The following LATS2 variants were observed in gnomAD, a reference collection of about 807,000 sequenced individuals.
LATS2 encodes the protein large tumor suppressor kinase 2.
In LATS2, 24 loss-of-function variants were observed where a neutral mutation model predicts 76.0. That is an observed-to-expected ratio of 0.32 (90% CI 0.23 to 0.44). LATS2 has a LOEUF of 0.44. LATS2 is among the 20% of genes least tolerant of loss of function. The pLI, the probability that LATS2 is intolerant of heterozygous loss-of-function variation, is 1.00. For missense variants in LATS2, 1,286 were observed against 1,481.2 expected (o/e 0.87, Z 2.16); for synonymous variants, 692 against 635.4 (o/e 1.09, Z -1.34).
chr13:21,036,602 G>A (rs1010906293), intron 2 of LATS2, among the ~76,000 whole-genome samples: 5 of 151,662 alleles, frequency 3.3e-5, no homozygotes, highest in African/African-American at 9.7e-5. Flanking sequence ...GTGAAACCCC[G>A]TCTCTACTAA....
chr13:20,992,497 T>C, intron 2 of LATS2, among the ~76,000 whole-genome samples: 1 of 151,996 alleles, frequency 6.6e-6, no homozygotes, highest in East Asian at 1.9e-4. Flanking sequence ...CCCCTTCACC[T>C]TTCAGGACAG....
chr13:21,034,145 T>G (rs1326209307), intron 2 of LATS2, among the ~76,000 whole-genome samples: 2 of 152,188 alleles, frequency 1.3e-5, no homozygotes, highest in East Asian at 3.8e-4. Flanking sequence ...TTACTTTACA[T>G]TCTTTCTGGT....
chr13:20,983,415 G>A lies in LATS2; in HGVS notation c.2291C>T (p.Pro764Leu). ...GATGTAGAACCGGGCCAGGTGCTCAGGGAAGACCTCCATCCGGATCAGCAG... is the reference window on the plus strand; with the variant it reads ...GATGTAGAACCGGGCCAGGTGCTCAAGGAAGACCTCCATCCGGATCAGCAG... The part of the protein sequence containing the change: ...MSLLIRMEVF[P>L]EHLARFYIAE... Residue 764 changes from proline to leucine, a missense_variant, in exon 5 of 8, where the codon CCT (proline) becomes CTT (leucine). Physicochemically the swap from Pro to Leu is moderately conservative, Grantham distance 98 (BLOSUM62 -3). Transcript: ENST00000382592. 1 of 1,614,090 alleles carries A rather than the reference G, an allele frequency of 6.2e-7. No individual in the cohort carries two copies. The highest frequency in any genetic ancestry group is 8.5e-7 in the Non-Finnish European group (1 of 1,180,020).
Position 20,988,361 on chromosome 13 carries a change from G to GGGGGCC in LATS2, c.1413_1418dup (p.Pro479_Ala480dup), listed in dbSNP as rs1870285481. The GGGGGCC allele has an allele frequency of 1.5e-6, 2 of 1,368,842 alleles. No homozygotes were observed. Among genetic ancestry groups the GGGGGCC allele is most frequent in the Admixed American group, 3.8e-5 (1 of 26,304 alleles). 84.8% of individuals were successfully genotyped at this position (1,368,842 alleles called of 1,614,324 possible). A position where few individuals can be genotyped will look rare whatever the true frequency, so the allele number is the denominator to read the frequency against. ...CCGCAGCCGGGGCGGGGGCGGGGGC[G>GGGGGCC]GGGGCCGGGGCAGGCGCGGGCACCC... On this transcript the variant is annotated inframe_insertion, in exon 4 of 8. Coordinates refer to ENST00000382592, the MANE Select transcript of LATS2 (RefSeq NM_014572.3).
rs544217694 is a variant in LATS2 at position 20,999,894 on chromosome 13, G to A, written c.343-8490C>T. Among the ~76,000 whole-genome samples the A allele has an allele frequency of 7.9e-5, 12 of 151,188 alleles. No individual in the cohort carries two copies. In the East Asian group the frequency reaches 1.4e-3, roughly 17 times the overall value. On this transcript the variant is annotated intron_variant, in intron 2 of 7. Coordinates refer to ENST00000382592, the MANE Select transcript of LATS2 (RefSeq NM_014572.3). The stretch of plus-strand genomic sequence containing the variant: ...AAAAAAAAAAATAGCCAGGCGTGGT[G>A]GCACACACCTATATAGTCCCAGCTA...
chr13:21,048,989 AAG>A (rs1176907584), intron 1 of LATS2, among the ~76,000 whole-genome samples: 1 of 152,196 alleles, frequency 6.6e-6, no homozygotes, highest in Non-Finnish European at 1.5e-5. Flanking sequence ...ACTTCAAAAA[AAG>A]AGAGATGCCT....
intron 2 of LATS2, among the ~76,000 whole-genome samples, chr13:21,001,112 A>C (rs543111711): frequency 6.6e-6 from 1 of 152,260 alleles, no homozygotes; most frequent in Non-Finnish European, 1.5e-5. Flanking sequence ...AAATGGCAAG[A>C]TAAGAATATA....
At chr13:21,028,117 C>G (rs1872384152) in intron 2 of LATS2, among the ~76,000 whole-genome samples, 1 of 152,012 alleles carries the variant, frequency 6.6e-6, no homozygotes, top group Non-Finnish European at 1.5e-5. Flanking sequence ...GTGTGATGTT[C>G]TCCTTCCTGT....
At chr13:20,983,878 G>T in intron 4 of LATS2, 72 bp from the exon 5 acceptor site, 1 of 1,232,650 alleles carries the variant, frequency 8.1e-7, no homozygotes, top group African/African-American at 1.5e-5. Context: ...ACTGGGATGG[G>T]GATGCCCTGG....
At chr13:21,037,311 G>A (rs1264072156) in intron 2 of LATS2, among the ~76,000 whole-genome samples, 2 of 152,140 alleles carry the variant, frequency 1.3e-5, no homozygotes, top group African/African-American at 2.4e-5. Context: ...GGCTGACGGG[G>A]GAGAATCGCT....
At chr13:21,038,587 G>A (rs970988681) in intron 2 of LATS2, 1 of 152,062 alleles carries the variant, frequency 6.6e-6, no homozygotes, top group African/African-American at 2.4e-5. Flanking sequence ...TGTTATGGTG[G>A]GGTATTGGAA....
rs201681793 is a variant in LATS2 at position 21,021,900 on chromosome 13, C to CA, written c.342+23784dup. Among the ~76,000 whole-genome samples the CA allele has an allele frequency of 1.2e-4, 19 of 152,312 alleles. No homozygotes were observed. The East Asian group carries it at 3.7e-3, about 29-fold the overall frequency. The stretch of plus-strand genomic sequence containing the variant: ...CAAGCAGCACAGGGTGAAAGCTCCT[C>CA]AGACTTCTCAAGCTGTTCTGACAGA... On this transcript the variant is annotated intron_variant, in intron 2 of 7. Transcript: ENST00000382592.
At chr13:21,009,237 C>T (rs1256739588) in intron 2 of LATS2, among the ~76,000 whole-genome samples, 3 of 152,190 alleles carry the variant, frequency 2.0e-5, no homozygotes, top group Non-Finnish European at 4.4e-5. Context: ...TGCCTTGGCT[C>T]CCCCACCACG....
chr13:21,055,507 C>T (rs1385234561), intron 1 of LATS2, among the ~76,000 whole-genome samples: 1 of 152,184 alleles, frequency 6.6e-6, no homozygotes, highest in African/African-American at 2.4e-5. Flanking sequence ...ATATAGGTGG[C>T]CTGTGTAAAC....
chr13:21,052,762 C>G (rs1292534512), intron 1 of LATS2, among the ~76,000 whole-genome samples: 1 of 150,952 alleles, frequency 6.6e-6, no homozygotes, highest in Non-Finnish European at 1.5e-5. Flanking sequence ...TAAGTCTTTC[C>G]TCTCTGAAAC....
chr13:20,993,806 C>T (rs1870618040), intron 2 of LATS2, among the ~76,000 whole-genome samples: 3 of 152,124 alleles, frequency 2.0e-5, no homozygotes, highest in African/African-American at 4.8e-5. Context: ...TACGAAGACT[C>T]AACAGCTTGG....
At chr13:21,012,581 A>T (rs1871635734) in intron 2 of LATS2, among the ~76,000 whole-genome samples, 1 of 152,180 alleles carries the variant, frequency 6.6e-6, no homozygotes, top group African/African-American at 2.4e-5. Context: ...TTCTAGTCAA[A>T]TTTTCTACCT....
intron 2 of LATS2, among the ~76,000 whole-genome samples, chr13:21,019,395 C>T (rs1467831146): frequency 6.7e-6 from 1 of 149,804 alleles, no homozygotes; most frequent in Non-Finnish European, 1.5e-5. Context: ...GGCGCAATCT[C>T]AGCTCACTGC....
At position 20,988,199 on chromosome 13, in the gene LATS2, CTTG is replaced by C. The variant is rs1870261129; in HGVS notation, c.1578_1580del (p.Ser526_Lys527delinsArg). The C allele has an allele frequency of 6.2e-7, 1 of 1,612,134 alleles. No homozygotes were observed. The highest frequency in any genetic ancestry group is 1.1e-5 in the South Asian group (1 of 91,020). Reference sequence around the variant, plus strand: ...GGCTGTCCAGGTCGTACTGCTCCGACTTGCTGCGCAGCAGCAGGTGCTTCGGGT... The same window carrying C: ...GGCTGTCCAGGTCGTACTGCTCCGACCTGCGCAGCAGCAGGTGCTTCGGGT... On this transcript the variant is annotated inframe_deletion, in exon 4 of 8. Transcript: ENST00000382592.
Sources: allele counts gnomAD v4.1 joint callset (sites outside exome capture counted in the v4.1 genomes callset), GRCh38; gene constraint gnomAD v4.1.1; transcripts MANE v1.5; gene names NCBI Gene and HGNC (gene_info 2026-07-23, HGNC 2026-07-21).